The following DPYD variants were observed in gnomAD, a reference collection of about 807,000 sequenced individuals.
DPYD encodes the protein dihydropyrimidine dehydrogenase [NADP(+)].
A neutral mutation model predicts 116.2 loss-of-function variants in DPYD; 109 were observed. That is an observed-to-expected ratio of 0.94 (90% CI 0.80 to 1.10). The LOEUF is 1.10. DPYD is among the 50% of genes least tolerant of loss of function. The pLI is 0.00. For missense variants in DPYD, 1,302 were observed against 1,254.5 expected (o/e 1.04, Z -0.57); for synonymous variants, 440 against 432.0 (o/e 1.02, Z -0.23).
At chr1:97,494,371 G>T (rs1229995826) in intron 13 of DPYD, among the ~76,000 whole-genome samples, 2 of 151,996 alleles carry the variant, frequency 1.3e-5, no homozygotes, top group Non-Finnish European at 2.9e-5. Flanking sequence ...TTAAAAAAAA[G>T]AATTTAAATT....
At chr1:97,291,195 T>C (rs1485008181) in intron 18 of DPYD, among the ~76,000 whole-genome samples, 2 of 152,012 alleles carry the variant, frequency 1.3e-5, no homozygotes, top group East Asian at 3.9e-4. Flanking sequence ...CAACAGGTGC[T>C]GGAGAGGATG....
intron 18 of DPYD, among the ~76,000 whole-genome samples, chr1:97,252,356 G>A (rs1250435373): frequency 1.3e-5 from 2 of 152,144 alleles, no homozygotes; most frequent in African/African-American, 4.8e-5. Context: ...GGACCAACTT[G>A]GTGGGGAAAG....
chr1:97,164,353 T>C (rs980217655), intron 20 of DPYD, among the ~76,000 whole-genome samples: 2 of 152,086 alleles, frequency 1.3e-5, no homozygotes, highest in Non-Finnish European at 2.9e-5. Flanking sequence ...AGCATTCCCC[T>C]TGAAAACCAG....
chr1:97,837,023 TA>T (rs1669803249), intron 2 of DPYD, among the ~76,000 whole-genome samples: 1 of 152,120 alleles, frequency 6.6e-6, no homozygotes, highest in South Asian at 2.1e-4. Flanking sequence ...TGTGTTAAGT[TA>T]AAATTCAGAG....
intron 7 of DPYD, among the ~76,000 whole-genome samples, chr1:97,690,850 T>A (rs1024670127): frequency 6.6e-6 from 1 of 152,104 alleles, no homozygotes; most frequent in Non-Finnish European, 1.5e-5. Context: ...CACTGTCAAT[T>A]AAAACGTAAT....
chr1:97,338,823 C>CA (rs1669439598), intron 16 of DPYD, among the ~76,000 whole-genome samples: 1 of 152,006 alleles, frequency 6.6e-6, no homozygotes, highest in Non-Finnish European at 1.5e-5. Context: ...TCTTGTGTGG[C>CA]AAAATCTACA....
chr1:97,373,075 A>C (rs1331081989), intron 16 of DPYD, among the ~76,000 whole-genome samples: 1 of 152,210 alleles, frequency 6.6e-6, no homozygotes, highest in African/African-American at 2.4e-5. Context: ...TTGTATCCAA[A>C]AATAAAAATA....
intron 18 of DPYD, among the ~76,000 whole-genome samples, chr1:97,259,512 A>G (rs1663733156): frequency 6.6e-6 from 1 of 151,994 alleles, no homozygotes. Context: ...AGCTGGTACC[A>G]CAGGCAGAAA....
rs530970146 is a variant in DPYD at position 97,416,543 on chromosome 1, A to C, written c.1905+33516T>G. Among the ~76,000 whole-genome samples the C allele has an allele frequency of 2.0e-5, 3 of 152,306 alleles. No homozygotes were observed. In the East Asian group the frequency reaches 5.8e-4, roughly 29 times the overall value. ...ATACAGTGACATGCTTCCATCAGAAATGGATCCTAGAATACTTTGAAGCCA... is the reference window on the plus strand; with the variant it reads ...ATACAGTGACATGCTTCCATCAGAACTGGATCCTAGAATACTTTGAAGCCA... On this transcript the variant is annotated intron_variant, in intron 14 of 22. Coordinates refer to ENST00000370192, the MANE Select transcript of DPYD (RefSeq NM_000110.4).
At chr1:97,665,150 TGA>T (rs1659489400) in intron 8 of DPYD, among the ~76,000 whole-genome samples, 1 of 152,044 alleles carries the variant, frequency 6.6e-6, no homozygotes, top group African/African-American at 2.4e-5. Context: ...AACATAACAT[TGA>T]TTCAACTTGC....
At chr1:97,345,231 T>A (rs1236725753) in intron 16 of DPYD, among the ~76,000 whole-genome samples, 5 of 151,892 alleles carry the variant, frequency 3.3e-5, no homozygotes, top group African/African-American at 1.2e-4. Context: ...GAAGAGTGCA[T>A]TATCATTTTA....
intron 8 of DPYD, among the ~76,000 whole-genome samples, chr1:97,668,014 C>G (rs1204441988): frequency 6.6e-6 from 1 of 151,932 alleles, no homozygotes; most frequent in Admixed American, 6.6e-5. Flanking sequence ...TAGTCAAATT[C>G]ATAGATTTGT....
chr1:97,521,070 G>A (rs180875033), intron 12 of DPYD, among the ~76,000 whole-genome samples: 179 of 152,232 alleles, frequency 1.2e-3, no homozygotes, highest in African/African-American at 3.9e-3. Context: ...CACAATGGTT[G>A]AACTAATTTA....
At chr1:97,373,735 CAAGTGTT>C in intron 15 of DPYD, 91 bp from the exon 16 acceptor site, 8 of 1,104,314 alleles carry the variant, frequency 7.2e-6, no homozygotes, top group Middle Eastern at 2.8e-4. Context: ...TCACATTTGT[CAAGTGTT>C]AACTATTCTG....
At chr1:97,444,369 T>C (rs910917958) in intron 14 of DPYD, among the ~76,000 whole-genome samples, 1 of 152,186 alleles carries the variant, frequency 6.6e-6, no homozygotes, top group Non-Finnish European at 1.5e-5. Context: ...TATCTCTAAA[T>C]GTCAGTTTCA....
chr1:97,259,359 T>G (rs1663719931), intron 18 of DPYD, among the ~76,000 whole-genome samples: 1 of 152,066 alleles, frequency 6.6e-6, no homozygotes, highest in South Asian at 2.1e-4. Flanking sequence ...AACCACAAAC[T>G]GGAATTTACC....
rs140591512 is a variant in DPYD, at chr1:97,806,696, G to A, written c.233+21418C>T. Among the ~76,000 whole-genome samples, 185 of 151,920 alleles carry A rather than the reference G, an allele frequency of 1.2e-3. No individual in the cohort carries two copies. The Middle Eastern group carries it at 0.024, about 20-fold the overall frequency. On this transcript the variant is annotated intron_variant, in intron 3 of 22. Coordinates refer to ENST00000370192, the MANE Select transcript of DPYD (RefSeq NM_000110.4). The stretch of plus-strand genomic sequence containing the variant: ...CACACAAAGTTCATAGTTTACATTA[G>A]AAATCAATTTTAGTGTTGTATATCC...
At chr1:97,723,327 G>T (rs915447170) in intron 4 of DPYD, among the ~76,000 whole-genome samples, 1 of 151,484 alleles carries the variant, frequency 6.6e-6, no homozygotes, top group African/African-American at 2.4e-5. Flanking sequence ...ATTAGCAAAG[G>T]ATCATAAAGC....
intron 8 of DPYD, among the ~76,000 whole-genome samples, chr1:97,637,512 A>C (rs1196115782): frequency 6.6e-6 from 1 of 151,720 alleles, no homozygotes; most frequent in African/African-American, 2.4e-5. Flanking sequence ...CCCCCTCAAC[A>C]ACACAAAATA....
Sources: gnomAD v4.1 joint callset for allele counts (sites outside exome capture counted in the v4.1 genomes callset) on GRCh38, gnomAD v4.1.1 for gene constraint, MANE v1.5 for transcripts, NCBI Gene and HGNC (gene_info 2026-07-23, HGNC 2026-07-21) for gene names.